Variants in LRRCC1 observed in about 807,000 individuals in gnomAD.
The protein encoded by LRRCC1 is leucine-rich repeat and coiled-coil domain-containing protein 1.
LRRCC1 carries 115 observed loss-of-function variants against 126.0 expected under a neutral mutation model. That is an observed-to-expected ratio of 0.91 (90% CI 0.78 to 1.07). The LOEUF (loss-of-function observed/expected upper bound fraction) is 1.07. Ranked by LOEUF, LRRCC1 falls within the 50% of genes least tolerant of loss-of-function variation. The probability of loss-of-function intolerance (pLI) is 0.00; values close to 1 mark genes in which losing one functional copy is unlikely to be tolerated. For synonymous variants in LRRCC1, 400 were observed against 393.4 expected (o/e 1.02, Z -0.20); for missense variants, 1,172 against 1,175.7 (o/e 1.00, Z 0.05).
rs1178914783 is a variant in LRRCC1, at chr8:85,145,723, T to G, written c.*212T>G. On this transcript the variant is annotated 3_prime_UTR_variant, in exon 19 of 19. Transcript: ENST00000360375. ...GACAATTTTGTCTATTAGAAAAAAC[T>G]ATCATAACTAGACTTACAATATTTT... 3.2e-6 allele frequency: 1 copy of G among 308,912 alleles called. No homozygotes were observed. The highest frequency in any genetic ancestry group is 2.2e-5 in the African/African-American group (1 of 45,276). The allele number at this position is 308,912 out of a possible 1,614,324, so 19.1% of individuals were successfully genotyped here.
intron 1 of LRRCC1, 63 bp downstream of exon 1, chr8:85,107,462 C>G (rs1808326588): frequency 5.0e-6 from 7 of 1,394,542 alleles, no homozygotes; most frequent in Non-Finnish European, 6.9e-6. Flanking sequence ...CCACGAGTGG[C>G]TGGCGGCGAC....
intron 4 of LRRCC1, among the ~76,000 whole-genome samples, chr8:85,114,198 T>C (rs1808933251): frequency 6.6e-6 from 1 of 151,894 alleles, no homozygotes; most frequent in African/African-American, 2.4e-5. Flanking sequence ...AGCCTTGCAT[T>C]TTTCTTTTCT....
rs759780586 is a variant in LRRCC1, at chr8:85,129,358, A to G, written c.1605A>G (p.Lys535=). ...EKTLEKMERQ[K]RQQQAAQIRL... ...CATTAGAAAAAATGGAGAGACAAAA[A>G]AGGCAGCAGCAGGCAGCACAGGTAT... Residue 535 remains lysine, a synonymous_variant, in exon 10 of 19, where the codon AAA becomes AAG. Coordinates refer to ENST00000360375, the MANE Select transcript of LRRCC1 (RefSeq NM_033402.5). The G allele has an allele frequency of 6.2e-7, 1 of 1,611,630 alleles. No individual in the cohort carries two copies. Among genetic ancestry groups the G allele is most frequent in the Admixed American group, 1.7e-5 (1 of 59,514 alleles).
At chr8:85,131,074 T>C (rs1810427910) in intron 11 of LRRCC1, among the ~76,000 whole-genome samples, 1 of 152,220 alleles carries the variant, frequency 6.6e-6, no homozygotes. Flanking sequence ...AAACCTGTTT[T>C]GTTTTGTGTC....
chr8:85,141,676 G>A (rs1330494798), intron 18 of LRRCC1, among the ~76,000 whole-genome samples, 159 bp downstream of exon 18: 3 of 152,252 alleles, frequency 2.0e-5, no homozygotes, highest in East Asian at 1.9e-4. Context: ...AGGGTAAAAC[G>A]TTGGTAATAC....
chr8:85,118,786 G>A (rs894826396), intron 6 of LRRCC1, among the ~76,000 whole-genome samples: 3 of 152,008 alleles, frequency 2.0e-5, no homozygotes, highest in Non-Finnish European at 2.9e-5. Flanking sequence ...TATATCTAGT[G>A]TGAATATTTT....
chr8:85,142,740 G>A lies in LRRCC1; in HGVS notation c.2976+1223G>A, dbSNP rs1217858060. 2.6e-5 allele frequency among the ~76,000 whole-genome samples: 4 copies of A among 151,636 alleles called. No homozygotes were observed. In the East Asian group the frequency reaches 7.7e-4, roughly 29 times the overall value. On this transcript the variant is annotated intron_variant, in intron 18 of 18. Transcript: ENST00000360375. Reference sequence around the variant, plus strand: ...AGCTATTTGGGAGGCTGAGGTCACAGGATCACTTGAGCCCTGGAGGCAGAG... The same window carrying A: ...AGCTATTTGGGAGGCTGAGGTCACAAGATCACTTGAGCCCTGGAGGCAGAG...
Position 85,126,685 on chromosome 8 carries a change from T to G in LRRCC1, c.1273-4T>G, listed in dbSNP as rs779174348. On this transcript the variant is annotated splice_polypyrimidine_tract_variant and splice_region_variant and intron_variant, in intron 8 of 18. Transcript: ENST00000360375. ...GTTCACATAACTTTGTTGTTTTCTT[T>G]CAGTCCCTTGTTGAACAGCTAGACC... 6.2e-7 allele frequency: 1 copy of G among 1,603,878 alleles called. No individual in the cohort carries two copies. The highest frequency in any genetic ancestry group is 8.5e-7 in the Non-Finnish European group (1 of 1,177,628).
chr8:85,109,251 C>T, intron 1 of LRRCC1: 1 of 219,816 alleles, frequency 4.5e-6, no homozygotes, highest in African/African-American at 2.2e-5. Context: ...TGATAGAATG[C>T]AGATTCAAAC....
In LRRCC1 at chr8:85,123,501, G is replaced by C. The variant is rs1178519888; in HGVS notation, c.1019G>C (p.Arg340Thr). The change falls in exon 7 of 19, where the codon AGA becomes ACA. Residue 340 changes from arginine to threonine, a missense_variant. Physicochemically the swap from Arg to Thr is moderately conservative, Grantham distance 71. Coordinates refer to ENST00000360375, the MANE Select transcript of LRRCC1 (RefSeq NM_033402.5). ...ACTTCTGAAAGTGACTATGGAAACA[G>C]AAAAGAATGCAATAGAAAAGTTCCT... Reference protein sequence around the residue: ...DITSESDYGNRKECNRKVPRR... With the variant: ...DITSESDYGNTKECNRKVPRR... 4 of 1,611,218 alleles carry C rather than the reference G, an allele frequency of 2.5e-6. No homozygotes were observed. Among genetic ancestry groups the C allele is most frequent in the Non-Finnish European group, 3.4e-6 (4 of 1,178,840 alleles).
intron 2 of LRRCC1, among the ~76,000 whole-genome samples, 155 bp downstream of exon 2, chr8:85,109,955 T>A (rs192628618): frequency 0.011 from 1,601 of 152,322 alleles, 33 homozygotes; most frequent in African/African-American, 0.037. Context: ...GTCAATTTTT[T>A]AAAAATTCTG....
At chr8:85,117,525 A>G (rs758290766) in intron 6 of LRRCC1, among the ~76,000 whole-genome samples, 1 of 152,230 alleles carries the variant, frequency 6.6e-6, no homozygotes, top group Admixed American at 6.5e-5. Flanking sequence ...TTATAAAGTC[A>G]TAATATTACT....
intron 17 of LRRCC1, among the ~76,000 whole-genome samples, chr8:85,140,961 G>A (rs1302051726): frequency 1.3e-5 from 2 of 152,070 alleles, no homozygotes; most frequent in Non-Finnish European, 2.9e-5. Flanking sequence ...AGTTACTTGG[G>A]AGGCTGAAGC....
At chr8:85,137,914 A>G (rs992694488) in intron 15 of LRRCC1, 121 bp from the exon 16 acceptor site, 1 of 602,160 alleles carries the variant, frequency 1.7e-6, no homozygotes, top group Non-Finnish European at 2.8e-6. Context: ...GAGTCACAAG[A>G]AAATGAACAT....
chr8:85,136,579 G>C (rs1303815060), intron 14 of LRRCC1, among the ~76,000 whole-genome samples: 3 of 152,034 alleles, frequency 2.0e-5, no homozygotes, highest in Non-Finnish European at 4.4e-5. Flanking sequence ...CCGGCCAAAA[G>C]TAATTCTTAT....
chr8:85,135,840 A>G lies in LRRCC1; in HGVS notation c.2206A>G (p.Ile736Val), dbSNP rs1430256751. 2 of 1,600,842 alleles carry G rather than the reference A, an allele frequency of 1.2e-6. No individual in the cohort carries two copies. The highest frequency in any genetic ancestry group is 1.7e-6 in the Non-Finnish European group (2 of 1,172,884). Reference protein sequence around the residue: ...ILIEDDKQKSIQIELLKHEKV... With the variant: ...ILIEDDKQKSVQIELLKHEKV... ...AATTGAAGATGACAAGCAGAAGAGT[A>G]TTCAAATAGAACTTCTCAAGCACGA... The change falls in exon 14 of 19, where the codon ATT becomes GTT. Residue 736 changes from isoleucine (I) to valine (V), a missense_variant. Transcript: ENST00000360375.
intron 3 of LRRCC1, among the ~76,000 whole-genome samples, chr8:85,111,764 C>G (rs570349811): frequency 1.3e-5 from 2 of 152,122 alleles, no homozygotes; most frequent in South Asian, 2.1e-4. Flanking sequence ...CGTTTCACAC[C>G]TAGAATAGCT....
Position 85,112,440 on chromosome 8 carries a change from G to GGGCCA in LRRCC1, c.377-488_377-484dup, listed in dbSNP as rs537361748. On this transcript the variant is annotated intron_variant, in intron 3 of 18. Transcript: ENST00000360375. Reference sequence around the variant, plus strand: ...GACAGCTGCAGCTGAAGTCCAAGGTGGGCCAGGCAGAAATAGCTACTGCTA... The same window carrying GGGCCA: ...GACAGCTGCAGCTGAAGTCCAAGGTGGGCCAGGCCAGGCAGAAATAGCTACTGCTA... Among the ~76,000 whole-genome samples the GGGCCA allele has an allele frequency of 1.6e-4, 25 of 152,290 alleles. 1 individual carries two copies. In the South Asian group the frequency reaches 5.2e-3, roughly 32 times the overall value.
intron 7 of LRRCC1, 127 bp downstream of exon 7, chr8:85,123,733 A>C: frequency 2.9e-6 from 2 of 699,512 alleles, no homozygotes. Context: ...TCAGCCTTGC[A>C]GGTTCTGATC....
Sources: allele counts gnomAD v4.1 joint callset (sites outside exome capture counted in the v4.1 genomes callset), GRCh38; gene constraint gnomAD v4.1.1; transcripts MANE v1.5; gene names NCBI Gene and HGNC (gene_info 2026-07-23, HGNC 2026-07-21).